KLHL20: variants seen among roughly 807,000 people sequenced by gnomAD.
KLHL20 encodes kelch like family member 20, also known as kelch-like protein 20.
A neutral mutation model predicts 69.5 loss-of-function variants in KLHL20; 29 were observed. The ratio of observed to expected loss-of-function variants is 0.42; its 90% CI spans 0.31 to 0.57. The LOEUF is 0.57. KLHL20 is among the 20% of genes least tolerant of loss of function. KLHL20 has a pLI of 0.18. For missense variants in KLHL20, 419 were observed against 776.0 expected (o/e 0.54, Z 5.47); for synonymous variants, 253 against 265.2 (o/e 0.95, Z 0.45).
At position 173,755,976 on chromosome 1, in the gene KLHL20, T is replaced by G. The variant is rs766073142; in HGVS notation, c.905T>G (p.Leu302Arg). The change falls in exon 6 of 12, where the codon CTA becomes CGA. Residue 302 changes from leucine to arginine, a missense_variant. Leu to Arg is a moderately radical substitution (Grantham distance 102). Transcript: ENST00000209884. ...NYLLLPQERP[L>R]MQGPRTRPRK... Reference sequence around the variant, plus strand: ...CTCCTATTGCCGCAAGAACGACCACTAATGCAAGGACCAAGGACGAGACCA... The same window carrying G: ...CTCCTATTGCCGCAAGAACGACCACGAATGCAAGGACCAAGGACGAGACCA... 6.2e-7 allele frequency: 1 copy of G among 1,614,148 alleles called. No homozygotes were observed. Among genetic ancestry groups the G allele is most frequent in the South Asian group, 1.1e-5 (1 of 91,072 alleles).
Position 173,715,993 on chromosome 1 carries a change from G to C in KLHL20, c.-41-10G>C, listed in dbSNP as rs561472158. Reference sequence around the variant, plus strand: ...GCTTTTATTAAGTTCCTGCTTTTCTGTTGTCTTAGGTTCGGCTTTAGAGTG... The same window carrying C: ...GCTTTTATTAAGTTCCTGCTTTTCTCTTGTCTTAGGTTCGGCTTTAGAGTG... On this transcript the variant is annotated splice_polypyrimidine_tract_variant and intron_variant, in intron 1 of 11. Coordinates refer to ENST00000209884, the MANE Select transcript of KLHL20 (RefSeq NM_014458.4). 1 of 1,587,730 alleles carries C rather than the reference G, an allele frequency of 6.3e-7. No homozygotes were observed. The highest frequency in any genetic ancestry group is 1.1e-5 in the South Asian group (1 of 88,196).
chr1:173,777,228 T>C (rs1230427448), intron 10 of KLHL20, among the ~76,000 whole-genome samples: 1 of 152,244 alleles, frequency 6.6e-6, no homozygotes, highest in East Asian at 1.9e-4. Flanking sequence ...TGTTGGCATA[T>C]AGAAATGCTA....
intron 3 of KLHL20, among the ~76,000 whole-genome samples, chr1:173,744,029 G>A (rs12240104): frequency 6.6e-6 from 1 of 152,058 alleles, no homozygotes; most frequent in Non-Finnish European, 1.5e-5. Context: ...TAAATTCCTA[G>A]AAATAGGATT....
chr1:173,780,343 A>G (rs1285051280), intron 10 of KLHL20, among the ~76,000 whole-genome samples: 1 of 152,254 alleles, frequency 6.6e-6, no homozygotes, highest in African/African-American at 2.4e-5. Context: ...GTAGTGTTAT[A>G]TATTTTATAG....
chr1:173,785,013 G>C, intron 11 of KLHL20, 150 bp from the exon 12 acceptor site: 2 of 572,562 alleles, frequency 3.5e-6, no homozygotes, highest in South Asian at 4.2e-5. Flanking sequence ...CTAATCTTTA[G>C]AATGAAGACA....
At chr1:173,723,039 A>G (rs1478229774) in intron 2 of KLHL20, among the ~76,000 whole-genome samples, 1 of 152,126 alleles carries the variant, frequency 6.6e-6, no homozygotes, top group Admixed American at 6.5e-5. Context: ...GTTTACCCAC[A>G]TTGTACTTAG....
chr1:173,771,441 G>A lies in KLHL20; in HGVS notation c.1296-2864G>A, dbSNP rs1220966158. 2.6e-5 allele frequency among the ~76,000 whole-genome samples: 4 copies of A among 152,146 alleles called. No individual in the cohort carries two copies. In the South Asian group the frequency reaches 8.3e-4, roughly 32 times the overall value. The stretch of plus-strand genomic sequence containing the variant: ...ACATAGATACATACAGTTAACTGTA[G>A]AACTATGACTAAATGAAGATTAAAA... On this transcript the variant is annotated intron_variant, in intron 8 of 11. Transcript: ENST00000209884.
intron 3 of KLHL20, among the ~76,000 whole-genome samples, chr1:173,740,803 C>G (rs1403521304): frequency 3.3e-5 from 5 of 151,832 alleles, no homozygotes; most frequent in Non-Finnish European, 7.4e-5. Context: ...CGTGTCGTAT[C>G]TGCACTTCTC....
At chr1:173,764,826 C>A (rs1229282729) in intron 7 of KLHL20, among the ~76,000 whole-genome samples, 1 of 152,086 alleles carries the variant, frequency 6.6e-6, no homozygotes, top group East Asian at 1.9e-4. Context: ...AAAGAACTTA[C>A]TCATGTAACC....
intron 2 of KLHL20, among the ~76,000 whole-genome samples, chr1:173,720,154 A>G (rs1290415504): frequency 6.6e-6 from 1 of 152,186 alleles, no homozygotes; most frequent in Admixed American, 6.5e-5. Flanking sequence ...TTAACAAACA[A>G]TGTTAACAGA....
At chr1:173,759,471 G>A (rs1051375578) in intron 7 of KLHL20, among the ~76,000 whole-genome samples, 18 of 152,050 alleles carry the variant, frequency 1.2e-4, no homozygotes, top group Admixed American at 9.8e-4. Context: ...GGATCCTCAC[G>A]GAGTCCATTG....
intron 8 of KLHL20, among the ~76,000 whole-genome samples, chr1:173,768,312 AGATTT>A (rs1338548634): frequency 1.3e-5 from 2 of 152,198 alleles, no homozygotes; most frequent in African/African-American, 4.8e-5. Context: ...TTTCGTCATT[AGATTT>A]TAGAGTCTCA....
At chr1:173,768,379 G>T (rs1647863134) in intron 8 of KLHL20, among the ~76,000 whole-genome samples, 2 of 152,074 alleles carry the variant, frequency 1.3e-5, no homozygotes, top group African/African-American at 2.4e-5. Context: ...ATCTTAAAAA[G>T]AAATGAGTCA....
At chr1:173,756,936 C>T in intron 6 of KLHL20, 40 bp from the exon 7 acceptor site, 2 of 1,585,596 alleles carry the variant, frequency 1.3e-6, no homozygotes, top group Non-Finnish European at 1.7e-6. Context: ...TTTTATGCTT[C>T]AGGATAGGAT....
At position 173,775,769 on chromosome 1, in the gene KLHL20, G is replaced by A; in HGVS notation, c.1565G>A (p.Ser522Asn). 6.2e-7 allele frequency: 1 copy of A among 1,614,188 alleles called. No individual in the cohort carries two copies. The highest frequency in any genetic ancestry group is 8.5e-7 in the Non-Finnish European group (1 of 1,180,038). The change falls in exon 10 of 12, where the codon AGC becomes AAC. Residue 522 changes from serine (S) to asparagine (N), a missense_variant. Coordinates refer to ENST00000209884, the MANE Select transcript of KLHL20 (RefSeq NM_014458.4). The part of the protein sequence containing the change: ...VGGRDDTTEL[S>N]SAERYNPRTN... The stretch of plus-strand genomic sequence containing the variant: ...GGTAGAGATGACACTACAGAGCTGA[G>A]CAGTGCTGAGAGATACAACCCCAGA...
chr1:173,725,279 C>T (rs1015637465), intron 2 of KLHL20, among the ~76,000 whole-genome samples: 6 of 152,194 alleles, frequency 3.9e-5, no homozygotes, highest in East Asian at 1.9e-4. Flanking sequence ...TCAGGAGATG[C>T]GTGGTTTACC....
intron 3 of KLHL20, among the ~76,000 whole-genome samples, chr1:173,738,156 C>T (rs974973896): frequency 2.6e-5 from 4 of 152,062 alleles, no homozygotes; most frequent in South Asian, 4.2e-4. Flanking sequence ...TGTCGGCAAA[C>T]AGCGACAGTT....
At chr1:173,757,681 GA>G (rs1006914839) in intron 7 of KLHL20, among the ~76,000 whole-genome samples, 5 of 144,512 alleles carry the variant, frequency 3.5e-5, no homozygotes, top group Admixed American at 6.9e-5. Context: ...AAAAAAAAAA[GA>G]AAAAAAAGAC....
At chr1:173,729,111 A>C (rs1026405814) in intron 2 of KLHL20, among the ~76,000 whole-genome samples, 4 of 152,238 alleles carry the variant, frequency 2.6e-5, no homozygotes, top group Non-Finnish European at 5.9e-5. Context: ...TGTGCAAATA[A>C]ACTAGAAAAT....
Sources: gnomAD v4.1 joint callset for allele counts (sites outside exome capture counted in the v4.1 genomes callset) on GRCh38, gnomAD v4.1.1 for gene constraint, MANE v1.5 for transcripts, NCBI Gene and HGNC (gene_info 2026-07-23, HGNC 2026-07-21) for gene names.